ESR2: variants seen among roughly 807,000 people sequenced by gnomAD.
The protein encoded by ESR2 is estrogen receptor beta.
Under a neutral mutation model 49.6 loss-of-function variants are expected in ESR2, and 36 were observed. That is an observed-to-expected ratio of 0.73 (90% CI 0.56 to 0.96). The LOEUF (loss-of-function observed/expected upper bound fraction) is 0.96. Ranked by LOEUF, ESR2 falls within the 40% of genes least tolerant of loss-of-function variation. The pLI, the probability that ESR2 is intolerant of heterozygous loss-of-function variation, is 0.00. For synonymous variants in ESR2, 320 were observed against 266.1 expected, an observed-to-expected ratio of 1.20 and a Z score of -1.97; for missense variants, 714 against 693.0, an observed-to-expected ratio of 1.03 and a Z score of -0.34.
At position 64,230,898 on chromosome 14, in the gene ESR2, AT is replaced by A. The variant is rs35350228; in HGVS notation, c.*2238del. On this transcript the variant is annotated 3_prime_UTR_variant, in exon 9 of 9. Coordinates refer to ENST00000341099, the MANE Select transcript of ESR2 (RefSeq NM_001437.3). Reference sequence around the variant, plus strand: ...ATATATATATATATATTTCGTGGCAATTTTTTTTTTTTTTTTTTTGAGACAG... The same window carrying A: ...ATATATATATATATATTTCGTGGCAATTTTTTTTTTTTTTTTTTGAGACAG... 0.14 allele frequency: 15,584 copies of A among 110,548 alleles called. 702 individuals are homozygous for A. Among genetic ancestry groups the A allele is most frequent in the Non-Finnish European group, 0.17 (9,962 of 57,728 alleles). The allele number at this position is 110,548 out of a possible 1,614,324, so 6.8% of individuals were successfully genotyped here.
intron 5 of ESR2, among the ~76,000 whole-genome samples, chr14:64,259,012 T>C (rs2076158559): frequency 6.6e-6 from 1 of 152,236 alleles, no homozygotes; most frequent in Non-Finnish European, 1.5e-5. Context: ...AGATTTCTTA[T>C]GGCACAAAGA....
intron 1 of ESR2, chr14:64,329,981 A>T (rs542589298): frequency 2.7e-4 from 41 of 152,124 alleles, no homozygotes; most frequent in African/African-American, 9.2e-4. Flanking sequence ...TCTACTAAAA[A>T]TACAAAAATT....
intron 4 of ESR2, among the ~76,000 whole-genome samples, chr14:64,262,239 T>C (rs1470971365): frequency 6.6e-6 from 1 of 152,014 alleles, no homozygotes; most frequent in Admixed American, 6.6e-5. Context: ...CTCAGCCTCC[T>C]GGATAGCTGG....
At chr14:64,337,352 T>C (rs1366916160) in intron 1 of ESR2, 3 of 152,246 alleles carry the variant, frequency 2.0e-5, no homozygotes. Context: ...AAATGGTCAA[T>C]ATCTACTTGG....
At chr14:64,239,979 C>T (rs1344351316) in intron 7 of ESR2, among the ~76,000 whole-genome samples, 1 of 152,202 alleles carries the variant, frequency 6.6e-6, no homozygotes, top group Non-Finnish European at 1.5e-5. Flanking sequence ...ATATCTAAAT[C>T]ATTTTGACAT....
At chr14:64,330,061 G>C (rs1596500777) in intron 1 of ESR2, 1 of 151,926 alleles carries the variant, frequency 6.6e-6, no homozygotes, top group Non-Finnish European at 1.5e-5. Context: ...GTTGCAGTGA[G>C]CCAACATCCT....
At chr14:64,313,523 G>C (rs1410027218) in intron 1 of ESR2, among the ~76,000 whole-genome samples, 6 of 111,140 alleles carry the variant, frequency 5.4e-5, no homozygotes, top group Non-Finnish European at 1.0e-4. Context: ...CAACAGTGAG[G>C]CTCTGTCAAA....
intron 3 of ESR2, among the ~76,000 whole-genome samples, chr14:64,279,384 T>C (rs1279991436): frequency 2.0e-5 from 3 of 150,918 alleles, no homozygotes; most frequent in Non-Finnish European, 4.4e-5. Flanking sequence ...CATCAACAAG[T>C]TGATTTAAAA....
At chr14:64,240,144 C>T (rs891343812) in intron 7 of ESR2, among the ~76,000 whole-genome samples, 2 of 152,126 alleles carry the variant, frequency 1.3e-5, no homozygotes, top group East Asian at 1.9e-4. Flanking sequence ...ACTGACAAAC[C>T]GCGACCTGGC....
chr14:64,228,276 T>G (rs1152580), downstream of ESR2, among the ~76,000 whole-genome samples: 12,446 of 152,266 alleles, frequency 0.082, 1,005 homozygotes, highest in East Asian at 0.46. Flanking sequence ...CTACTTAGCC[T>G]AATTACTGTA....
chr14:64,272,674 T>C (rs1250336883), intron 3 of ESR2, among the ~76,000 whole-genome samples: 2 of 152,188 alleles, frequency 1.3e-5, no homozygotes, highest in African/African-American at 4.8e-5. Context: ...ATGAGTTAAC[T>C]GTAGATGTAT....
intron 1 of ESR2, among the ~76,000 whole-genome samples, chr14:64,284,918 C>T (rs1380095421): frequency 3.3e-5 from 5 of 150,842 alleles, no homozygotes; most frequent in Admixed American, 6.6e-5. Flanking sequence ...GGCGCAATCT[C>T]GGCTCACTGC....
chr14:64,334,918 G>A (rs1224257487), intron 1 of ESR2, among the ~76,000 whole-genome samples: 1 of 152,202 alleles, frequency 6.6e-6, no homozygotes, highest in Admixed American at 6.5e-5. Context: ...AAAGTGCTGG[G>A]ATTACAAGCA....
At chr14:64,328,167 A>G (rs1462857211) in intron 1 of ESR2, among the ~76,000 whole-genome samples, 1 of 152,062 alleles carries the variant, frequency 6.6e-6, no homozygotes, top group Non-Finnish European at 1.5e-5. Flanking sequence ...GGTTGCAGTG[A>G]GCCGAGATCA....
chr14:64,263,914 G>A (rs2076271747), intron 4 of ESR2, among the ~76,000 whole-genome samples: 2 of 152,076 alleles, frequency 1.3e-5, no homozygotes. Context: ...CTTAAAATAG[G>A]TATTATTCAG....
chr14:64,286,007 G>T (rs1435340791), intron 1 of ESR2, among the ~76,000 whole-genome samples: 1 of 152,144 alleles, frequency 6.6e-6, no homozygotes, highest in Non-Finnish European at 1.5e-5. Context: ...CATTAAAGAT[G>T]GGGGGTGCTG....
intron 1 of ESR2, among the ~76,000 whole-genome samples, chr14:64,284,522 G>A (rs1056182457): frequency 3.4e-5 from 5 of 148,828 alleles, no homozygotes; most frequent in African/African-American, 7.4e-5. Context: ...GGGTTTCACC[G>A]TGTTGGCCAG....
rs530227251 is a variant in ESR2, at chr14:64,230,111, C to T, written c.*3026G>A. On this transcript the variant is annotated 3_prime_UTR_variant, in exon 9 of 9. Coordinates refer to ENST00000341099, the MANE Select transcript of ESR2 (RefSeq NM_001437.3). ...GGATGGGGCACTGTGGTGGGAGGAT[C>T]GCTTGAGCCCAGGAGGTCGAGGCTG... 8.6e-5 allele frequency among the ~76,000 whole-genome samples: 13 copies of T among 151,156 alleles called. No homozygotes were observed. Among genetic ancestry groups the T allele is most frequent in the African/African-American group, 2.9e-4 (12 of 41,078 alleles).
chr14:64,261,712 C>T (rs2076229282), intron 4 of ESR2, among the ~76,000 whole-genome samples: 1 of 152,172 alleles, frequency 6.6e-6, no homozygotes, highest in Non-Finnish European at 1.5e-5. Context: ...AGCCACTGCA[C>T]CCAGCCTTTA....
Sources: gnomAD v4.1 joint callset for allele counts (sites outside exome capture counted in the v4.1 genomes callset) on GRCh38, gnomAD v4.1.1 for gene constraint, MANE v1.5 for transcripts, NCBI Gene and HGNC (gene_info 2026-07-23, HGNC 2026-07-21) for gene names.